The following FZD6 variants were observed in gnomAD, a reference collection of about 807,000 sequenced individuals.
FZD6 encodes frizzled class receptor 6.
Under a neutral mutation model 61.4 loss-of-function variants are expected in FZD6, and 49 were observed. The observed-to-expected ratio is 0.80, with a 90% CI of 0.63 to 1.01. The LOEUF (loss-of-function observed/expected upper bound fraction) is 1.01. Ranked by LOEUF, FZD6 falls within the 50% of genes least tolerant of loss-of-function variation. The pLI is 0.00. For synonymous variants in FZD6, 265 were observed against 292.2 expected, an observed-to-expected ratio of 0.91 and a Z score of 0.95; for missense variants, 724 against 848.2, an observed-to-expected ratio of 0.85 and a Z score of 1.82.
In FZD6 at chr8:103,324,617, C is replaced by G; in HGVS notation, c.511C>G (p.Gln171Glu). Residue 171 changes from glutamine to glutamate, a missense_variant, in exon 4 of 7, where the codon CAA (glutamine) becomes GAA (glutamate). Transcript: ENST00000358755. The part of the protein sequence containing the change: ...CPRHLKTSGG[Q>E]GYKFLGIDQC... ...AAGGCATCTTAAGACTTCTGGGGGA[C>G]AAGGATATAAGTTTCTGGGAATTGA... 17 of 1,614,090 alleles carry G rather than the reference C, an allele frequency of 1.1e-5. No individual in the cohort carries two copies. Among genetic ancestry groups the G allele is most frequent in the Non-Finnish European group, 1.4e-5 (17 of 1,179,986 alleles).
upstream of FZD6, chr8:103,298,824 C>T: frequency 6.1e-6 from 1 of 163,174 alleles, no homozygotes; most frequent in Non-Finnish European, 1.3e-5. Flanking sequence ...CCCGGACCTG[C>T]CCGCCCGACC....
At chr8:103,307,555 ATT>A (rs1432054658) in intron 2 of FZD6, among the ~76,000 whole-genome samples, 5 of 152,126 alleles carry the variant, frequency 3.3e-5, no homozygotes, top group African/African-American at 1.2e-4. Flanking sequence ...ACAAAGGCTT[ATT>A]TTCTTAGATT....
rs1292467728 is a variant in FZD6, at chr8:103,300,232, T to C, written c.125T>C (p.Phe42Ser). ...AAAATGGCCTACAACATGACGTTTT[T>C]CCCTAATCTGATGGGTCATTATGAC... is the stretch of plus-strand genomic sequence containing the variant. ...CMKMAYNMTF[F>S]PNLMGHYDQS... Residue 42 changes from phenylalanine (F) to serine (S), a missense_variant, in exon 2 of 7, where the codon TTC becomes TCC. Transcript: ENST00000358755. The C allele has an allele frequency of 6.2e-7, 1 of 1,612,132 alleles. No individual in the cohort carries two copies. The highest frequency in any genetic ancestry group is 8.5e-7 in the Non-Finnish European group (1 of 1,178,272).
intron 3 of FZD6, among the ~76,000 whole-genome samples, chr8:103,321,887 C>T (rs1252274635): frequency 1.3e-5 from 2 of 152,178 alleles, no homozygotes; most frequent in African/African-American, 4.8e-5. Context: ...CACCATACCA[C>T]CTGAGAGTCT....
At chr8:103,317,825 CAA>C (rs60176627) in intron 2 of FZD6, among the ~76,000 whole-genome samples, 53,805 of 132,290 alleles carry the variant, frequency 0.41, 11,008 homozygotes, top group East Asian at 0.59. Context: ...GACTCTGTCT[CAA>C]AAAAAAAAAA....
Position 103,328,417 on chromosome 8 carries a change from G to A in FZD6, c.1541+1G>A. Reference sequence around the variant, plus strand: ...TTTTTAAACGAAATCGCAAGAGAGAGTAAGAAACTATTGAATTGTCTGACA... The same window carrying A: ...TTTTTAAACGAAATCGCAAGAGAGAATAAGAAACTATTGAATTGTCTGACA... On this transcript the variant is annotated splice_donor_variant, in intron 5 of 6. Coordinates refer to ENST00000358755, the MANE Select transcript of FZD6 (RefSeq NM_003506.4). LOFTEE classifies it high-confidence loss of function. 1.9e-6 allele frequency: 3 copies of A among 1,606,896 alleles called. No homozygotes were observed. The highest frequency in any genetic ancestry group is 2.6e-6 in the Non-Finnish European group (3 of 1,173,568).
At chr8:103,307,568 ACTT>A (rs762574935) in intron 2 of FZD6, among the ~76,000 whole-genome samples, 6 of 152,164 alleles carry the variant, frequency 3.9e-5, no homozygotes, top group Non-Finnish European at 5.9e-5. Context: ...TTCTTAGATT[ACTT>A]TTTTGCCCTT....
chr8:103,308,237 G>C (rs1814396796), intron 2 of FZD6, among the ~76,000 whole-genome samples: 1 of 152,154 alleles, frequency 6.6e-6, no homozygotes, highest in South Asian at 2.1e-4. Flanking sequence ...AGCCTCCTCT[G>C]TCTTGGGGCC....
chr8:103,300,114 A>G lies in FZD6; in HGVS notation c.7A>G (p.Met3Val), dbSNP rs748362787. Reference protein sequence around the residue: MEMFTFLLTCIFL... With the variant: MEVFTFLLTCIFL... ...AATCAGGAATTTGAAGAAAATGGAA[A>G]TGTTTACATTTTTGTTGACGTGTAT... Residue 3 changes from methionine to valine, a missense_variant, in exon 2 of 7, where the codon ATG becomes GTG. Transcript: ENST00000358755. The G allele has an allele frequency of 6.3e-7, 1 of 1,587,230 alleles. No homozygotes were observed. Among genetic ancestry groups the G allele is most frequent in the Non-Finnish European group, 8.7e-7 (1 of 1,155,400 alleles).
At chr8:103,310,432 C>G (rs1315278421) in intron 2 of FZD6, among the ~76,000 whole-genome samples, 1 of 152,056 alleles carries the variant, frequency 6.6e-6, no homozygotes, top group Admixed American at 6.5e-5. Context: ...CATTGACAAC[C>G]TGCTATTTTT....
In FZD6 at chr8:103,305,902, G is replaced by A. The variant is rs183381401; in HGVS notation, c.177+5618G>A. On this transcript the variant is annotated intron_variant, in intron 2 of 6. Transcript: ENST00000358755. ...CTTAGTATTCCATGGGAAGACTGTTGTGATTATTTCCTTTCCCCAAGAATG... is the reference window on the plus strand; with the variant it reads ...CTTAGTATTCCATGGGAAGACTGTTATGATTATTTCCTTTCCCCAAGAATG... Among the ~76,000 whole-genome samples the A allele has an allele frequency of 1.9e-3, 287 of 152,266 alleles. 6 individuals carry two copies. In the South Asian group the frequency reaches 0.031, roughly 16 times the overall value.
chr8:103,327,519 G>T (rs991259682), intron 4 of FZD6, among the ~76,000 whole-genome samples: 1 of 152,048 alleles, frequency 6.6e-6, no homozygotes, highest in Non-Finnish European at 1.5e-5. Context: ...TTGCTTGAAC[G>T]CGGGAGGCGG....
chr8:103,332,455 T>C lies in FZD6; in HGVS notation c.*946T>C, dbSNP rs757109658. On this transcript the variant is annotated 3_prime_UTR_variant, in exon 7 of 7. Transcript: ENST00000358755. Reference sequence around the variant, plus strand: ...ATTACATTTTGTATTATACAGTACCTTTCTCAGACATTTTGTAGAATTCAT... The same window carrying C: ...ATTACATTTTGTATTATACAGTACCCTTCTCAGACATTTTGTAGAATTCAT... The C allele has an allele frequency of 6.6e-6, 1 of 152,194 alleles. No individual in the cohort carries two copies. The highest frequency in any genetic ancestry group is 6.5e-5 in the Admixed American group (1 of 15,282). 9.4% of individuals were successfully genotyped at this position (152,194 alleles called of 1,614,324 possible). A position where few individuals can be genotyped will look rare whatever the true frequency, so the allele number is the denominator to read the frequency against.
intron 5 of FZD6, among the ~76,000 whole-genome samples, chr8:103,328,815 T>C (rs1402773250): frequency 6.6e-6 from 1 of 151,380 alleles, no homozygotes; most frequent in Non-Finnish European, 1.5e-5. Flanking sequence ...AAGACTTAAG[T>C]ATATATAAAG....
chr8:103,312,889 T>A (rs1279339837), intron 2 of FZD6, among the ~76,000 whole-genome samples: 1 of 152,192 alleles, frequency 6.6e-6, no homozygotes, highest in East Asian at 1.9e-4. Context: ...CTGTGAACAT[T>A]TATTTTTTTT....
At position 103,326,907 on chromosome 8, in the gene FZD6, CAT is replaced by C. The variant is rs974961106; in HGVS notation, c.1393-1360_1393-1359del. Among the ~76,000 whole-genome samples the C allele has an allele frequency of 3.3e-5, 5 of 152,036 alleles. No individual in the cohort carries two copies. In the South Asian group the frequency reaches 6.2e-4, roughly 19 times the overall value. On this transcript the variant is annotated intron_variant, in intron 4 of 6. Coordinates refer to ENST00000358755, the MANE Select transcript of FZD6 (RefSeq NM_003506.4). ...TAAAAATGAAAAAACTATTCTTAAA[CAT>C]GTGAAAAAGTTATAGTAAAATAAAT... is the stretch of plus-strand genomic sequence containing the variant.
chr8:103,298,678 G>T, upstream of FZD6: 1 of 151,884 alleles, frequency 6.6e-6, no homozygotes, highest in South Asian at 2.0e-4. Context: ...GCCGGACCTC[G>T]GCACCCCGAG....
chr8:103,311,169 C>T (rs770296386), intron 2 of FZD6, among the ~76,000 whole-genome samples: 13 of 152,190 alleles, frequency 8.5e-5, no homozygotes, highest in Non-Finnish European at 1.8e-4. Context: ...CCATTGGATA[C>T]TTCCTGAGCC....
chr8:103,323,471 C>A (rs551376872), intron 3 of FZD6, among the ~76,000 whole-genome samples: 3 of 151,414 alleles, frequency 2.0e-5, no homozygotes, highest in Non-Finnish European at 4.4e-5. Context: ...CTCTCTGTCT[C>A]CCAGGCTGGA....
Sources: gnomAD v4.1 joint callset for allele counts (sites outside exome capture counted in the v4.1 genomes callset) on GRCh38, gnomAD v4.1.1 for gene constraint, MANE v1.5 for transcripts, NCBI Gene and HGNC (gene_info 2026-07-23, HGNC 2026-07-21) for gene names.